Variants in SPRED3 observed in about 807,000 individuals in gnomAD.
The protein encoded by SPRED3 is sprouty-related, EVH1 domain-containing protein 3.
A neutral mutation model predicts 37.6 loss-of-function variants in SPRED3; 23 were observed. The ratio of observed to expected loss-of-function variants is 0.61; its 90% CI spans 0.44 to 0.87. The LOEUF (loss-of-function observed/expected upper bound fraction) is 0.87, where lower values mean the gene tolerates loss of function less well. Among genes scored for constraint, SPRED3 ranks in the 40% least tolerant of loss-of-function variants. The pLI is 0.00. For synonymous variants in SPRED3, 302 were observed against 279.6 expected, an observed-to-expected ratio of 1.08 and a Z score of -0.80; for missense variants, 584 against 618.6, an observed-to-expected ratio of 0.94 and a Z score of 0.59.
At chr19:38,391,667 GCAGGAGGATCA>G (rs1342412436) in intron 2 of SPRED3, among the ~76,000 whole-genome samples, 1 of 152,134 alleles carries the variant, frequency 6.6e-6, no homozygotes, top group Non-Finnish European at 1.5e-5. Flanking sequence ...GGAGGCTGAG[GCAGGAGGATCA>G]CTTGAGACTG....
rs1479856353 is a variant in SPRED3 at position 38,395,666 on chromosome 19, C to T, written c.754C>T (p.Leu252=). 2.6e-6 allele frequency: 4 copies of T among 1,511,678 alleles called. No homozygotes were observed. The highest frequency in any genetic ancestry group is 4.2e-5 in the Admixed American group (2 of 47,392). 93.6% of individuals were successfully genotyped at this position (1,511,678 alleles called of 1,614,324 possible). A position where few individuals can be genotyped will look rare whatever the true frequency, so the allele number is the denominator to read the frequency against. ...AKTGALRGAA[L]GPPAALPAPL... is the part of the protein sequence containing the mutation. ...GACCGGCGCGTTGAGGGGCGCTGCC[C>T]TGGGTCCCCCAGCGGCACTACCTGC... Residue 252 remains leucine, a synonymous_variant, in exon 6 of 6, where the codon CTG becomes TTG. Transcript: ENST00000691638. This position sits in a 1 kb window ranked among gnomAD's most constrained non-coding sequence, Gnocchi z 5.2.
intron 4 of SPRED3, 97 bp downstream of exon 4, chr19:38,392,385 C>G (rs1389296020): frequency 7.5e-7 from 1 of 1,327,980 alleles, no homozygotes; most frequent in East Asian, 2.6e-5. Flanking sequence ...AGGCACCATG[C>G]CACACACCGG....
intron 1 of SPRED3, chr19:38,389,671 CCT>C (rs1421901121): frequency 6.6e-6 from 1 of 152,004 alleles, no homozygotes; most frequent in Non-Finnish European, 1.5e-5. Flanking sequence ...TCCCTCTGAG[CCT>C]CTCTTTCTGG....
chr19:38,396,223 A>C lies in SPRED3; in HGVS notation c.*78A>C. On this transcript the variant is annotated 3_prime_UTR_variant, in exon 6 of 6. Coordinates refer to ENST00000691638, the MANE Select transcript of SPRED3 (RefSeq NM_001394336.1). ...AGGACCCCGGACTCCGTTCGGACCT[A>C]AAACCCAAACCTAGGCACATCCGGA... is the stretch of plus-strand genomic sequence containing the variant. The C allele has an allele frequency of 9.2e-7, 1 of 1,085,772 alleles. No individual in the cohort carries two copies. Among genetic ancestry groups the C allele is most frequent in the Non-Finnish European group, 1.2e-6 (1 of 861,310 alleles). 67.3% of individuals were successfully genotyped at this position (1,085,772 alleles called of 1,614,324 possible).
At chr19:38,390,599 T>C (rs1346465245) in intron 2 of SPRED3, 120 bp downstream of exon 2, 1 of 799,400 alleles carries the variant, frequency 1.3e-6, no homozygotes, top group Non-Finnish European at 1.8e-6. Context: ...GGGTGTGAAG[T>C]TTGGGAGTGA....
intron 4 of SPRED3, among the ~76,000 whole-genome samples, chr19:38,393,344 C>CTTT (rs74176441): frequency 0.018 from 2,235 of 121,068 alleles, 62 homozygotes; most frequent in Admixed American, 0.023. Flanking sequence ...ATACTATTAT[C>CTTT]TTTTTTTTTT....
rs1473016284 is a variant in SPRED3, at chr19:38,395,917, C to T, written c.1005C>T (p.Ala335=). The T allele has an allele frequency of 1.3e-6, 2 of 1,511,334 alleles. No individual in the cohort carries two copies. The highest frequency in any genetic ancestry group is 1.8e-6 in the Non-Finnish European group (2 of 1,139,014). The allele number at this position is 1,511,334 out of a possible 1,614,324, so 93.6% of individuals were successfully genotyped here. A position where few individuals can be genotyped will look rare whatever the true frequency, so the allele number is the denominator to read the frequency against. The change falls in exon 6 of 6, where the codon GCC becomes GCT. Residue 335 remains alanine (A), a synonymous_variant. Coordinates refer to ENST00000691638, the MANE Select transcript of SPRED3 (RefSeq NM_001394336.1). The surrounding 1 kb of genome is among the most constrained non-coding windows in gnomAD (Gnocchi z 5.2). ...LVRRLSCLWC[A]ESLLYHCLSD... is the part of the protein sequence containing the mutation. ...GCCGTCTAAGCTGCCTGTGGTGCGCCGAGAGCTTGCTCTACCACTGCCTGT... is the reference window on the plus strand; with the variant it reads ...GCCGTCTAAGCTGCCTGTGGTGCGCTGAGAGCTTGCTCTACCACTGCCTGT...
intron 2 of SPRED3, among the ~76,000 whole-genome samples, chr19:38,390,764 G>GCCCCCCCCCCCCC (rs57016544): frequency 8.2e-3 from 512 of 62,500 alleles, no homozygotes; most frequent in Middle Eastern, 0.012. Flanking sequence ...AGGGGGCACT[G>GCCCCCCCCCCCCC]CCCCCCCCCC....
At position 38,394,661 on chromosome 19, in the gene SPRED3, T is replaced by G. The variant is rs572982361; in HGVS notation, c.442T>G (p.Ser148Ala). The change falls in exon 5 of 6, where the codon TCC (serine) becomes GCC (alanine). Residue 148 changes from serine (S) to alanine (A), a missense_variant. Around this residue, in one of 7 missense-constraint regions of SPRED3, gnomAD observed 310 missense variants for 281.1 expected, o/e 1.10. Transcript: ENST00000691638. ...CPLTSHVDSD[S>A]SSSHSRQETP... ...CCTCCAGTCCCACGTGGACAGCGAC[T>G]CCTCCTCCAGTCACAGCCGCCAGGA... 142 of 1,597,836 alleles carry G rather than the reference T, an allele frequency of 8.9e-5. No individual in the cohort carries two copies. In the African/African-American group the frequency reaches 1.7e-3, roughly 19 times the overall value.
chr19:38,395,521 C>T lies in SPRED3; in HGVS notation c.609C>T (p.Pro203=). Residue 203 remains proline, a synonymous_variant, in exon 6 of 6, where the codon CCC becomes CCT. Coordinates refer to ENST00000691638, the MANE Select transcript of SPRED3 (RefSeq NM_001394336.1). The surrounding 1 kb of genome is among the most constrained non-coding windows in gnomAD (Gnocchi z 5.2). ...PLLPFTGIPE[P]SEPLAGAGGL... is the part of the protein sequence containing the mutation. ...TACCGTTCACGGGGATTCCGGAACCCTCAGAGCCCCTGGCAGGGGCAGGGG... is the reference window on the plus strand; with the variant it reads ...TACCGTTCACGGGGATTCCGGAACCTTCAGAGCCCCTGGCAGGGGCAGGGG... The T allele has an allele frequency of 6.5e-7, 1 of 1,539,674 alleles. No homozygotes were observed. Among genetic ancestry groups the T allele is most frequent in the Non-Finnish European group, 8.7e-7 (1 of 1,148,048 alleles).
rs1446064598 is a variant in SPRED3 at position 38,398,199 on chromosome 19, C to T, written c.*2054C>T. 3 of 152,222 alleles carry T rather than the reference C, an allele frequency of 2.0e-5. No homozygotes were observed. Among genetic ancestry groups the T allele is most frequent in the Non-Finnish European group, 4.4e-5 (3 of 68,104 alleles). The allele number at this position is 152,222 out of a possible 1,614,324, so 9.4% of individuals were successfully genotyped here. A position where few individuals can be genotyped will look rare whatever the true frequency, so the allele number is the denominator to read the frequency against. Reference sequence around the variant, plus strand: ...GTTCAAGTCCCACCTTTTATGTTCTCCCCCTCCATTAACCCCTTCTCTTCC... The same window carrying T: ...GTTCAAGTCCCACCTTTTATGTTCTTCCCCTCCATTAACCCCTTCTCTTCC... On this transcript the variant is annotated 3_prime_UTR_variant, in exon 6 of 6. Coordinates refer to ENST00000691638, the MANE Select transcript of SPRED3 (RefSeq NM_001394336.1).
intron 4 of SPRED3, among the ~76,000 whole-genome samples, chr19:38,393,158 G>C (rs1250125487): frequency 6.6e-6 from 1 of 152,068 alleles, no homozygotes; most frequent in Non-Finnish European, 1.5e-5. Flanking sequence ...AGATTTCCTT[G>C]TGGCTCATTC....
At position 38,395,278 on chromosome 19, in the gene SPRED3, C is replaced by T. The variant is rs949571973; in HGVS notation, c.568-202C>T. 6.6e-6 allele frequency among the ~76,000 whole-genome samples: 1 copy of T among 152,108 alleles called. No homozygotes were observed. Among genetic ancestry groups the T allele is most frequent in the Admixed American group, 6.6e-5 (1 of 15,264 alleles). On this transcript the variant is annotated intron_variant, in intron 5 of 5. Transcript: ENST00000691638. The surrounding 1 kb of genome is among the most constrained non-coding windows in gnomAD (Gnocchi z 5.2). ...GAGGACAGGACTAGGAACCTTCGGC[C>T]TCTGGGTCCTTAAAGGTGTGGGGTT... is the stretch of plus-strand genomic sequence containing the variant.
intron 4 of SPRED3, among the ~76,000 whole-genome samples, chr19:38,394,184 G>T (rs528740819): frequency 6.6e-6 from 1 of 152,232 alleles, no homozygotes; most frequent in African/African-American, 2.4e-5. Flanking sequence ...GGGAGCACTC[G>T]GAGTGGGCGG....
At position 38,399,329 on chromosome 19, in the gene SPRED3, C is replaced by G. The variant is rs1970936604; in HGVS notation, c.*3184C>G. Reference sequence around the variant, plus strand: ...ATGGAGGGCCGCCCTGGGAGCCAGGCAGACCTCAGACCCTGGAGCCCCCAG... The same window carrying G: ...ATGGAGGGCCGCCCTGGGAGCCAGGGAGACCTCAGACCCTGGAGCCCCCAG... On this transcript the variant is annotated 3_prime_UTR_variant, in exon 6 of 6. Coordinates refer to ENST00000691638, the MANE Select transcript of SPRED3 (RefSeq NM_001394336.1). The G allele has an allele frequency of 6.6e-6, 1 of 152,278 alleles. No individual in the cohort carries two copies. Among genetic ancestry groups the G allele is most frequent in the South Asian group, 2.1e-4 (1 of 4,834 alleles). 9.4% of individuals were successfully genotyped at this position (152,278 alleles called of 1,614,324 possible). A position where few individuals can be genotyped will look rare whatever the true frequency, so the allele number is the denominator to read the frequency against.
chr19:38,397,127 C>T lies in SPRED3; in HGVS notation c.*982C>T, dbSNP rs892470159. ...GGTCCTCAGATGTGCGACTGAAGGCCACCAACACCTCAGGACCCGAGATAC... is the reference window on the plus strand; with the variant it reads ...GGTCCTCAGATGTGCGACTGAAGGCTACCAACACCTCAGGACCCGAGATAC... On this transcript the variant is annotated 3_prime_UTR_variant, in exon 6 of 6. Coordinates refer to ENST00000691638, the MANE Select transcript of SPRED3 (RefSeq NM_001394336.1). 3.3e-5 allele frequency: 5 copies of T among 152,164 alleles called. No individual in the cohort carries two copies. The South Asian group carries it at 1.0e-3, about 32-fold the overall frequency. 9.4% of individuals were successfully genotyped at this position (152,164 alleles called of 1,614,324 possible).
At chr19:38,390,852 A>G (rs1970824257) in intron 2 of SPRED3, among the ~76,000 whole-genome samples, 1 of 142,582 alleles carries the variant, frequency 7.0e-6, no homozygotes, top group Non-Finnish European at 1.5e-5. Context: ...ACGAGGCCCT[A>G]CACCACCTGG....
chr19:38,393,579 G>C (rs1344668858), intron 4 of SPRED3, among the ~76,000 whole-genome samples: 4 of 151,952 alleles, frequency 2.6e-5, no homozygotes, highest in African/African-American at 9.7e-5. Flanking sequence ...CTTGTGATCT[G>C]CCCGCTTTGG....
chr19:38,395,375 G>A lies in SPRED3; in HGVS notation c.568-105G>A. 8.9e-7 allele frequency: 1 copy of A among 1,118,228 alleles called. No homozygotes were observed. Among genetic ancestry groups the A allele is most frequent in the Non-Finnish European group, 1.2e-6 (1 of 834,650 alleles). 69.3% of individuals were successfully genotyped at this position (1,118,228 alleles called of 1,614,324 possible). A position where few individuals can be genotyped will look rare whatever the true frequency, so the allele number is the denominator to read the frequency against. Reference sequence around the variant, plus strand: ...GGGACCTTGGGAGAGAAGCAAGCTGGGGTCTTGAAAATCTGAATCCCAGAC... The same window carrying A: ...GGGACCTTGGGAGAGAAGCAAGCTGAGGTCTTGAAAATCTGAATCCCAGAC... On this transcript the variant is annotated intron_variant, in intron 5 of 5. Coordinates refer to ENST00000691638, the MANE Select transcript of SPRED3 (RefSeq NM_001394336.1). This position sits in a 1 kb window ranked among gnomAD's most constrained non-coding sequence, Gnocchi z 5.2.
Sources: allele counts gnomAD v4.1 joint callset (sites outside exome capture counted in the v4.1 genomes callset), GRCh38; gene constraint gnomAD v4.1.1; regional missense constraint gnomAD v4.1.1; non-coding constraint Gnocchi (gnomAD v3.1); transcripts MANE v1.5; gene names NCBI Gene and HGNC (gene_info 2026-07-23, HGNC 2026-07-21).